Variants in LRRC37A2 observed in about 807,000 individuals in gnomAD.
LRRC37A2 encodes the protein leucine rich repeat containing 37 member A2.
LRRC37A2 carries 9 observed loss-of-function variants against 68.8 expected under a neutral mutation model. The observed-to-expected ratio is 0.13, with a 90% CI of 0.08 to 0.23. The LOEUF (loss-of-function observed/expected upper bound fraction) is 0.23, where lower values mean the gene tolerates loss of function less well. Ranked by LOEUF, LRRC37A2 falls within the 10% of genes least tolerant of loss-of-function variation. The probability of loss-of-function intolerance (pLI) is 1.00; values close to 1 mark genes in which losing one functional copy is unlikely to be tolerated. For missense variants in LRRC37A2, 168 were observed against 950.4 expected (o/e 0.18, Z 10.82); for synonymous variants, 63 against 367.6 (o/e 0.17, Z 9.48).
At chr17:46,876,818 G>A in the LRRC37A2 span, 1 of 1,441,506 alleles carries the variant, frequency 6.9e-7, no homozygotes, top group Non-Finnish European at 9.1e-7. Flanking sequence ...TCACATGCAT[G>A]CATAAACCGG....
chr17:46,876,230 C>T, the LRRC37A2 span: 1 of 1,589,598 alleles, frequency 6.3e-7, no homozygotes, highest in African/African-American at 1.3e-5. Context: ...CGCCTCTGTT[C>T]TGCCTCCCCC....
chr17:46,857,920 T>TTTG, the LRRC37A2 span, among the ~76,000 whole-genome samples: 65,726 of 151,326 alleles, frequency 0.43, 17,447 homozygotes, highest in East Asian at 0.8. Context: ...CTTTATGTAT[T>TTTG]TTGTTGTTGT....
chr17:46,919,983 T>C, the LRRC37A2 span, among the ~76,000 whole-genome samples: 2 of 152,038 alleles, frequency 1.3e-5, no homozygotes, highest in African/African-American at 4.8e-5. Context: ...AAAATTCCTA[T>C]GATCTCGTTC....
the LRRC37A2 span, among the ~76,000 whole-genome samples, chr17:46,783,254 C>T: frequency 6.6e-6 from 1 of 152,176 alleles, no homozygotes; most frequent in Non-Finnish European, 1.5e-5. Flanking sequence ...GGCTCTAAGC[C>T]CAGTGGGCTC....
chr17:46,714,056 C>T, the LRRC37A2 span: 2 of 1,459,260 alleles, frequency 1.4e-6, no homozygotes, highest in Non-Finnish European at 1.8e-6. Context: ...ATATATATGC[C>T]TTTGTACATG....
chr17:47,030,095 ATCATCATCATC>A, the LRRC37A2 span, among the ~76,000 whole-genome samples: 1 of 94,208 alleles, frequency 1.1e-5, no homozygotes, highest in African/African-American at 4.8e-5. Context: ...AATAATCATC[ATCATCATCATC>A]ATCATCATCA....
the LRRC37A2 span, among the ~76,000 whole-genome samples, chr17:46,715,277 A>G: frequency 6.6e-6 from 1 of 152,234 alleles, no homozygotes; most frequent in Non-Finnish European, 1.5e-5. Flanking sequence ...TGTCCTTCCC[A>G]GGAAAATCTG....
chr17:46,716,293 G>A, the LRRC37A2 span, among the ~76,000 whole-genome samples: 1 of 141,570 alleles, frequency 7.1e-6, no homozygotes, highest in African/African-American at 2.6e-5. Flanking sequence ...GTCTTGCTCT[G>A]TCGCCCAGGC....
chr17:46,922,846 T>C, the LRRC37A2 span: 3 of 378,354 alleles, frequency 7.9e-6, no homozygotes, highest in East Asian at 5.5e-5. Context: ...CAGCAGATGA[T>C]AGCGGCTCGC....
chr17:46,830,445 C>T, the LRRC37A2 span: 2 of 380,754 alleles, frequency 5.3e-6, no homozygotes, highest in Non-Finnish European at 9.3e-6. Flanking sequence ...GAGATGGTGT[C>T]TTCTTCCTAC....
intron 8 of LRRC37A2, among the ~76,000 whole-genome samples, chr17:46,544,957 ATAGT>A (rs1447743175): frequency 7.1e-6 from 1 of 140,454 alleles, no homozygotes; most frequent in Non-Finnish European, 1.5e-5. Context: ...AGAGTCAAAG[ATAGT>A]TGTCTTGTAA....
chr17:46,722,218 C>A, the LRRC37A2 span: 98 of 1,432,950 alleles, frequency 6.8e-5, no homozygotes, highest in Non-Finnish European at 8.7e-5. Flanking sequence ...AGACCCAAAT[C>A]TCGCGAGAGC....
chr17:46,923,664 C>T, the LRRC37A2 span: 1 of 994,826 alleles, frequency 1.0e-6, no homozygotes, highest in Non-Finnish European at 1.3e-6. Flanking sequence ...TATTCTTATT[C>T]GATTTATACT....
the LRRC37A2 span, among the ~76,000 whole-genome samples, chr17:46,753,218 CTTA>C: frequency 6.6e-6 from 1 of 152,198 alleles, no homozygotes; most frequent in South Asian, 2.1e-4. Context: ...TCATGTGTTA[CTTA>C]CTGATGGTCC....
chr17:46,871,688 T>C, the LRRC37A2 span, among the ~76,000 whole-genome samples: 1 of 152,172 alleles, frequency 6.6e-6, no homozygotes, highest in Non-Finnish European at 1.5e-5. Context: ...CAAGATTGCA[T>C]AGCTAGAACA....
chr17:46,865,335 T>C, the LRRC37A2 span, among the ~76,000 whole-genome samples: 1 of 152,086 alleles, frequency 6.6e-6, no homozygotes, highest in Non-Finnish European at 1.5e-5. Context: ...TCTGCGGCTG[T>C]GAGACAGGAA....
the LRRC37A2 span, among the ~76,000 whole-genome samples, chr17:47,036,333 A>G: frequency 6.6e-6 from 1 of 152,118 alleles, no homozygotes; most frequent in Admixed American, 6.6e-5. Flanking sequence ...GCCTTCAGCT[A>G]GTAATACTTC....
chr17:46,993,195 G>A, the LRRC37A2 span, among the ~76,000 whole-genome samples: 12 of 151,880 alleles, frequency 7.9e-5, no homozygotes, highest in Non-Finnish European at 1.8e-4. Flanking sequence ...TTTTGTTTTA[G>A]GCAAAACTAC....
At chr17:46,793,538 G>A in the LRRC37A2 span, among the ~76,000 whole-genome samples, 2 of 152,128 alleles carry the variant, frequency 1.3e-5, no homozygotes, top group African/African-American at 2.4e-5. Flanking sequence ...CTGGACCCAC[G>A]CCCAAGGCAT....
Sources: gnomAD v4.1 joint callset for allele counts (sites outside exome capture counted in the v4.1 genomes callset) on GRCh38, gnomAD v4.1.1 for gene constraint, MANE v1.5 for transcripts, NCBI Gene and HGNC (gene_info 2026-07-23, HGNC 2026-07-21) for gene names.